XYLT1: variants seen among roughly 807,000 people sequenced by gnomAD.
XYLT1 encodes xylosyltransferase 1.
In XYLT1, 36 loss-of-function variants were observed where a neutral mutation model predicts 91.3. That is an observed-to-expected ratio of 0.39 (90% CI 0.30 to 0.52). The LOEUF is 0.52. Among genes scored for constraint, XYLT1 ranks in the 20% least tolerant of loss-of-function variants. The pLI is 0.68. For missense variants in XYLT1, 1,242 were observed against 1,284.5 expected, an observed-to-expected ratio of 0.97 and a Z score of 0.51; for synonymous variants, 588 against 532.0, an observed-to-expected ratio of 1.11 and a Z score of -1.45.
chr16:17,135,992 A>C lies in XYLT1; in HGVS notation c.1765-1257T>G, dbSNP rs566160017. Reference sequence around the variant, plus strand: ...TGTGTAGGGCTGCGGAGACAAATAAAACACAGGTCTCTCCCTTGAGGAGCT... The same window carrying C: ...TGTGTAGGGCTGCGGAGACAAATAACACACAGGTCTCTCCCTTGAGGAGCT... On this transcript the variant is annotated intron_variant, in intron 8 of 11. Transcript: ENST00000261381. Among the ~76,000 whole-genome samples the C allele has an allele frequency of 2.0e-5, 3 of 152,276 alleles. No homozygotes were observed. In the East Asian group the frequency reaches 5.8e-4, roughly 29 times the overall value.
chr16:17,128,707 A>G (rs2030350525), intron 9 of XYLT1, among the ~76,000 whole-genome samples: 1 of 152,226 alleles, frequency 6.6e-6, no homozygotes, highest in South Asian at 2.1e-4. Flanking sequence ...TTTGATCCAC[A>G]AAAACTTGCT....
At chr16:17,241,955 T>C (rs1278040930) in intron 3 of XYLT1, among the ~76,000 whole-genome samples, 1 of 152,132 alleles carries the variant, frequency 6.6e-6, no homozygotes, top group Non-Finnish European at 1.5e-5. Flanking sequence ...CTCACAAGTA[T>C]GGTAGAAGGT....
chr16:17,314,776 C>T (rs538558496), intron 2 of XYLT1, among the ~76,000 whole-genome samples: 1 of 152,276 alleles, frequency 6.6e-6, no homozygotes, highest in East Asian at 1.9e-4. Context: ...GCTCTGAGCT[C>T]CCTGGTGGCC....
At chr16:17,267,892 G>T (rs149355808) in intron 2 of XYLT1, among the ~76,000 whole-genome samples, 4,026 of 122,112 alleles carry the variant, frequency 0.033, 86 homozygotes, top group Non-Finnish European at 0.046. Context: ...AGAATTAAGA[G>T]TCAATGAATT....
rs373778990 is a variant in XYLT1 at position 17,257,311 on chromosome 16, G to A, written c.913+1677C>T. ...AAATCTAGGCCCTGAGAGCAGAAAGGACTCTCCCTGTTAGCTGGTAGCTGA... is the reference window on the plus strand; with the variant it reads ...AAATCTAGGCCCTGAGAGCAGAAAGAACTCTCCCTGTTAGCTGGTAGCTGA... On this transcript the variant is annotated intron_variant, in intron 3 of 11. Coordinates refer to ENST00000261381, the MANE Select transcript of XYLT1 (RefSeq NM_022166.4). 1.0e-3 allele frequency among the ~76,000 whole-genome samples: 158 copies of A among 152,256 alleles called. 7 individuals are homozygous for A. In the South Asian group the frequency reaches 0.032, roughly 31 times the overall value.
chr16:17,372,050 G>A (rs983155377), intron 1 of XYLT1, among the ~76,000 whole-genome samples: 29 of 152,222 alleles, frequency 1.9e-4, no homozygotes, highest in African/African-American at 6.8e-4. Context: ...TCAAATGGCT[G>A]TGGGGGAGGG....
intron 10 of XYLT1, among the ~76,000 whole-genome samples, chr16:17,125,299 T>C (rs928832491): frequency 2.6e-5 from 4 of 152,200 alleles, no homozygotes; most frequent in Non-Finnish European, 4.4e-5. Context: ...TGGGGCTCCA[T>C]ACACTGCTCT....
At chr16:17,176,096 C>A (rs2031936708) in intron 5 of XYLT1, among the ~76,000 whole-genome samples, 1 of 152,030 alleles carries the variant, frequency 6.6e-6, no homozygotes, top group African/African-American at 2.4e-5. Context: ...AAATAAAGGA[C>A]CACAGCCACT....
At chr16:17,161,516 C>T (rs993182352) in intron 5 of XYLT1, among the ~76,000 whole-genome samples, 1 of 152,212 alleles carries the variant, frequency 6.6e-6, no homozygotes, top group African/African-American at 2.4e-5. Flanking sequence ...CCCATCCCCC[C>T]AGTCCTTCTC....
chr16:17,223,664 C>T (rs1262377554), intron 3 of XYLT1, among the ~76,000 whole-genome samples: 1 of 152,188 alleles, frequency 6.6e-6, no homozygotes, highest in African/African-American at 2.4e-5. Context: ...CCCTGAATTA[C>T]AACATGGAGG....
chr16:17,361,924 C>A (rs553388813), intron 1 of XYLT1, among the ~76,000 whole-genome samples: 1 of 152,148 alleles, frequency 6.6e-6, no homozygotes, highest in Non-Finnish European at 1.5e-5. Context: ...AACTTCTATG[C>A]GTGTATCATT....
chr16:17,379,773 A>T (rs1369802491), intron 1 of XYLT1, among the ~76,000 whole-genome samples: 3 of 150,468 alleles, frequency 2.0e-5, no homozygotes, highest in African/African-American at 7.4e-5. Context: ...TCACACACAC[A>T]CACACACACA....
At position 17,358,304 on chromosome 16, in the gene XYLT1, A is replaced by T. The variant is rs542305465; in HGVS notation, c.364-254T>A. ...ATGCACTATCATGCCAGGCTTTTTT[A>T]AAAAATTATTTTTGTAGAGATGGGG... is the stretch of plus-strand genomic sequence containing the variant. On this transcript the variant is annotated intron_variant, in intron 1 of 11. Coordinates refer to ENST00000261381, the MANE Select transcript of XYLT1 (RefSeq NM_022166.4). Among the ~76,000 whole-genome samples the T allele has an allele frequency of 7.5e-4, 114 of 151,888 alleles. 1 individual carries two copies. The highest frequency in any genetic ancestry group is 1.2e-3 in the Non-Finnish European group (83 of 67,912).
intron 2 of XYLT1, among the ~76,000 whole-genome samples, chr16:17,333,353 T>C (rs1445415051): frequency 6.6e-6 from 1 of 152,140 alleles, no homozygotes; most frequent in Admixed American, 6.5e-5. Flanking sequence ...AAGGAGATGT[T>C]TTATATTCTT....
intron 2 of XYLT1, among the ~76,000 whole-genome samples, chr16:17,305,391 A>AT (rs1022691871): frequency 1.3e-5 from 2 of 150,932 alleles, no homozygotes; most frequent in Non-Finnish European, 2.9e-5. Flanking sequence ...ATATTTACAT[A>AT]TAATACAGAA....
intron 2 of XYLT1, among the ~76,000 whole-genome samples, chr16:17,357,414 A>G (rs750311715): frequency 3.9e-5 from 6 of 152,080 alleles, no homozygotes; most frequent in Non-Finnish European, 7.4e-5. Flanking sequence ...TCCAAGGCCT[A>G]TACTCATAGC....
At chr16:17,269,169 CT>C (rs2033851050) in intron 2 of XYLT1, among the ~76,000 whole-genome samples, 1 of 151,672 alleles carries the variant, frequency 6.6e-6, no homozygotes, top group African/African-American at 2.4e-5. Flanking sequence ...TTTTCTTTTT[CT>C]TTCTTTCTTT....
chr16:17,269,829 T>C (rs1292432281), intron 2 of XYLT1, among the ~76,000 whole-genome samples: 1 of 151,266 alleles, frequency 6.6e-6, no homozygotes, highest in Non-Finnish European at 1.5e-5. Context: ...ATCATTATTT[T>C]GAGATGGAGT....
chr16:17,433,755 AG>A (rs2036419088), intron 1 of XYLT1, among the ~76,000 whole-genome samples: 1 of 152,190 alleles, frequency 6.6e-6, no homozygotes, highest in Non-Finnish European at 1.5e-5. Flanking sequence ...ATAGCCTCAA[AG>A]GTATTTGAAT....
Sources: allele counts gnomAD v4.1 joint callset (sites outside exome capture counted in the v4.1 genomes callset), GRCh38; gene constraint gnomAD v4.1.1; transcripts MANE v1.5; gene names NCBI Gene and HGNC (gene_info 2026-07-23, HGNC 2026-07-21).